ADD3: variants seen among roughly 807,000 people sequenced by gnomAD.
ADD3 encodes adducin 3, also known as gamma-adducin.
A neutral mutation model predicts 80.2 loss-of-function variants in ADD3; 25 were observed. The ratio of observed to expected loss-of-function variants is 0.31; its 90% CI spans 0.23 to 0.44. ADD3 has a LOEUF of 0.44. ADD3 is among the 20% of genes least tolerant of loss of function. The pLI is 1.00. For missense variants in ADD3, 829 were observed against 847.5 expected (o/e 0.98, Z 0.27); for synonymous variants, 284 against 289.6 (o/e 0.98, Z 0.20).
chr10:110,110,502 T>C (rs896196375), intron 2 of ADD3, among the ~76,000 whole-genome samples: 3 of 152,182 alleles, frequency 2.0e-5, no homozygotes. Flanking sequence ...CTTCCGGTGC[T>C]AAGCTCGGTC....
At chr10:110,011,850 A>G (rs1186673056) in intron 1 of ADD3, among the ~76,000 whole-genome samples, 2 of 152,186 alleles carry the variant, frequency 1.3e-5, no homozygotes, top group Non-Finnish European at 2.9e-5. Context: ...TATAGGTGAG[A>G]TTGTTATGAG....
chr10:110,010,186 C>A (rs1852175328), intron 1 of ADD3, among the ~76,000 whole-genome samples: 1 of 152,146 alleles, frequency 6.6e-6, no homozygotes, highest in South Asian at 2.1e-4. Context: ...TACACACAAT[C>A]CTAAAACCTA....
Position 110,036,019 on chromosome 10 carries a change from C to T in ADD3, c.-30+27720C>T, listed in dbSNP as rs529248903. Among the ~76,000 whole-genome samples, 13 of 152,108 alleles carry T rather than the reference C, an allele frequency of 8.5e-5. No homozygotes were observed. The South Asian group carries it at 2.7e-3, about 32-fold the overall frequency. On this transcript the variant is annotated intron_variant, in intron 1 of 14. Transcript: ENST00000356080. The stretch of plus-strand genomic sequence containing the variant: ...ACAAAAAATGAGCCAGGTGTGGTGG[C>T]AGATGCCTGTAATCCCAGCTACTCG...
At chr10:110,016,825 C>T (rs182591797) in intron 1 of ADD3, among the ~76,000 whole-genome samples, 10 of 152,046 alleles carry the variant, frequency 6.6e-5, no homozygotes, top group African/African-American at 2.4e-4. Flanking sequence ...TGGTAGCAGC[C>T]ATGGGTAGAA....
chr10:110,051,038 T>A (rs1190608497), intron 1 of ADD3, among the ~76,000 whole-genome samples: 1 of 152,150 alleles, frequency 6.6e-6, no homozygotes, highest in African/African-American at 2.4e-5. Flanking sequence ...TTGACAACGG[T>A]GCCAGCACCA....
intron 1 of ADD3, among the ~76,000 whole-genome samples, chr10:110,054,582 A>G (rs1857925039): frequency 6.8e-6 from 1 of 147,706 alleles, no homozygotes; most frequent in African/African-American, 2.5e-5. Context: ...GCTGGGATTT[A>G]CAGGCACGCA....
chr10:109,996,395 G>A (rs147208504), exon 1 of ADD3: 9 of 152,298 alleles, frequency 5.9e-5, no homozygotes, highest in Admixed American at 5.9e-4. Context: ...CATTGTGAAT[G>A]AGACTGTGAG....
rs1435629047 is a variant in ADD3 at position 110,134,652 on chromosome 10, T to A, written c.*1034T>A. 6.6e-6 allele frequency: 1 copy of A among 152,614 alleles called. No homozygotes were observed. Among genetic ancestry groups the A allele is most frequent in the African/African-American group, 2.4e-5 (1 of 41,440 alleles). The allele number at this position is 152,614 out of a possible 1,614,324, so 9.5% of individuals were successfully genotyped here. On this transcript the variant is annotated 3_prime_UTR_variant, in exon 15 of 15. Transcript: ENST00000356080. ...AAAATTAAGGGGACAAAAGATGGGA[T>A]GTGAAAAGAAGAATTCTAGTTTGAT...
intron 1 of ADD3, among the ~76,000 whole-genome samples, chr10:110,038,109 C>A (rs189937985): frequency 2.8e-4 from 40 of 141,022 alleles, no homozygotes; most frequent in African/African-American, 9.5e-4. Context: ...TTGGAAAATA[C>A]AGCAACAAAT....
chr10:110,076,503 A>G (rs1845390548), intron 1 of ADD3, among the ~76,000 whole-genome samples: 1 of 152,176 alleles, frequency 6.6e-6, no homozygotes, highest in African/African-American at 2.4e-5. Flanking sequence ...GAAGGGAACT[A>G]TTGCTAGTTG....
Position 110,056,309 on chromosome 10 carries a change from C to A in ADD3, c.-29-44316C>A, listed in dbSNP as rs147942183. 1.8e-4 allele frequency among the ~76,000 whole-genome samples: 27 copies of A among 152,250 alleles called. No homozygotes were observed. In the East Asian group the frequency reaches 5.2e-3, roughly 29 times the overall value. Reference sequence around the variant, plus strand: ...ATTTTGCATTTGCAGACTTTGTGTTCTTACATTGAATGATATGTTTTCTAA... The same window carrying A: ...ATTTTGCATTTGCAGACTTTGTGTTATTACATTGAATGATATGTTTTCTAA... On this transcript the variant is annotated intron_variant, in intron 1 of 14. Coordinates refer to ENST00000356080, the MANE Select transcript of ADD3 (RefSeq NM_016824.5).
At chr10:110,055,051 G>A (rs1049672195) in intron 1 of ADD3, among the ~76,000 whole-genome samples, 2 of 152,136 alleles carry the variant, frequency 1.3e-5, no homozygotes, top group Non-Finnish European at 2.9e-5. Context: ...ATGAGCCACC[G>A]CACCCAGCAG....
chr10:110,102,411 C>A (rs890127788), intron 2 of ADD3, among the ~76,000 whole-genome samples: 9 of 152,026 alleles, frequency 5.9e-5, no homozygotes, highest in Admixed American at 5.9e-4. Flanking sequence ...GAGTTTGAGA[C>A]GAGCCTGGGC....
intron 1 of ADD3, among the ~76,000 whole-genome samples, chr10:110,097,459 T>C (rs910195297): frequency 5.3e-5 from 8 of 152,174 alleles, no homozygotes; most frequent in African/African-American, 1.9e-4. Context: ...GTGCTTTGTT[T>C]TGAAATTATT....
chr10:110,112,582 T>A (rs911801641), intron 2 of ADD3, among the ~76,000 whole-genome samples, 195 bp from the exon 3 acceptor site: 4 of 152,186 alleles, frequency 2.6e-5, no homozygotes, highest in Non-Finnish European at 5.9e-5. Context: ...CTAGTGGTTT[T>A]CCCCCCTAAA....
chr10:110,116,234 C>T (rs1850712718), intron 3 of ADD3, 25 bp from the exon 4 acceptor site: 2 of 1,611,972 alleles, frequency 1.2e-6, no homozygotes, highest in African/African-American at 2.7e-5. Flanking sequence ...ACTCGTATCT[C>T]TCTCCACATT....
chr10:110,000,163 G>A (rs879740024), intron 1 of ADD3, among the ~76,000 whole-genome samples: 8 of 152,076 alleles, frequency 5.3e-5, no homozygotes, highest in Non-Finnish European at 1.0e-4. Flanking sequence ...CAGGTGATCC[G>A]CCCACCTTGG....
chr10:110,054,114 A>G (rs1857846193), intron 1 of ADD3, among the ~76,000 whole-genome samples: 1 of 152,234 alleles, frequency 6.6e-6, no homozygotes, highest in African/African-American at 2.4e-5. Context: ...TAGATTTTTA[A>G]AAGTATGAAC....
intron 1 of ADD3, 26 bp downstream of exon 1, chr10:110,008,325 C>T (rs976986122): frequency 6.6e-6 from 1 of 152,296 alleles, no homozygotes; most frequent in Non-Finnish European, 1.5e-5. Context: ...GAGGACGCGC[C>T]GTCGTCCCGC....
Sources: gnomAD v4.1 joint callset for allele counts (sites outside exome capture counted in the v4.1 genomes callset) on GRCh38, gnomAD v4.1.1 for gene constraint, MANE v1.5 for transcripts, NCBI Gene and HGNC (gene_info 2026-07-23, HGNC 2026-07-21) for gene names.